RSRC1: variants seen among roughly 807,000 people sequenced by gnomAD.
The protein encoded by RSRC1 is arginine and serine rich coiled-coil 1.
Under a neutral mutation model 49.1 loss-of-function variants are expected in RSRC1, and 39 were observed. The ratio of observed to expected loss-of-function variants is 0.79; its 90% CI spans 0.61 to 1.04. The LOEUF is 1.04. RSRC1 is among the 50% of genes least tolerant of loss of function. The probability of loss-of-function intolerance (pLI) is 0.00; values close to 1 mark genes in which losing one functional copy is unlikely to be tolerated. For missense variants in RSRC1, 388 were observed against 402.4 expected (o/e 0.96, Z 0.31); for synonymous variants, 143 against 130.8 (o/e 1.09, Z -0.63).
chr3:158,355,571 A>T (rs1332090541), intron 6 of RSRC1, among the ~76,000 whole-genome samples: 1 of 151,914 alleles, frequency 6.6e-6, no homozygotes, highest in Non-Finnish European at 1.5e-5. Flanking sequence ...CAAGTGCTGT[A>T]TGTTTTATTT....
intron 7 of RSRC1, among the ~76,000 whole-genome samples, chr3:158,498,543 C>T (rs1026237004): frequency 6.6e-6 from 1 of 151,870 alleles, no homozygotes; most frequent in African/African-American, 2.4e-5. Context: ...TCTGACTGTT[C>T]CTTTTGCCAT....
At chr3:158,445,958 C>T (rs1296753975) in intron 6 of RSRC1, among the ~76,000 whole-genome samples, 1 of 151,840 alleles carries the variant, frequency 6.6e-6, no homozygotes, top group African/African-American at 2.4e-5. Context: ...AAATCTTGAC[C>T]ATATTCAGCC....
intron 4 of RSRC1, among the ~76,000 whole-genome samples, chr3:158,211,132 G>A (rs1273627915): frequency 3.9e-5 from 6 of 151,912 alleles, no homozygotes; most frequent in Non-Finnish European, 7.4e-5. Flanking sequence ...TGGACCCTTT[G>A]CAAGAGGTAT....
intron 4 of RSRC1, among the ~76,000 whole-genome samples, chr3:158,209,208 G>C (rs1215855012): frequency 6.6e-6 from 1 of 152,152 alleles, no homozygotes; most frequent in Admixed American, 6.6e-5. Context: ...AGTGTTGGGA[G>C]GTGGGACCTT....
rs1712225047 is a variant in RSRC1 at position 158,529,139 on chromosome 3, T to C, written c.653-7953T>C. Among the ~76,000 whole-genome samples, 3 of 150,710 alleles carry C rather than the reference T, an allele frequency of 2.0e-5. No homozygotes were observed. In the Admixed American group the frequency reaches 2.0e-4, roughly 10 times the overall value. On this transcript the variant is annotated intron_variant, in intron 7 of 9. Coordinates refer to ENST00000611884, the MANE Select transcript of RSRC1 (RefSeq NM_001271838.2). ...ATTCTGAAAATGCACATCTGTAATC[T>C]AGTTCAAGATAATGCCAGAAGAGTA...
chr3:158,323,814 T>G (rs2108173592), intron 5 of RSRC1, among the ~76,000 whole-genome samples: 1 of 152,344 alleles, frequency 6.6e-6, no homozygotes, highest in East Asian at 1.9e-4. Flanking sequence ...TATAGTTGTT[T>G]TTTATAGAGA....
chr3:158,361,551 C>G (rs996809133), intron 6 of RSRC1, among the ~76,000 whole-genome samples: 1 of 152,190 alleles, frequency 6.6e-6, no homozygotes, highest in Admixed American at 6.5e-5. Context: ...TGTGGACAGC[C>G]CATTGCTGCC....
At chr3:158,247,737 A>G (rs1489453751) in intron 4 of RSRC1, among the ~76,000 whole-genome samples, 1 of 152,074 alleles carries the variant, frequency 6.6e-6, no homozygotes, top group African/African-American at 2.4e-5. Context: ...AAGGCTGCAA[A>G]AAACAAAGAT....
chr3:158,195,253 G>A (rs995222686), intron 3 of RSRC1, among the ~76,000 whole-genome samples: 27 of 152,048 alleles, frequency 1.8e-4, no homozygotes, highest in Non-Finnish European at 7.4e-5. Context: ...GGCCAGTGAT[G>A]ATGAGCATTT....
At chr3:158,204,278 A>G (rs1022458199) in intron 4 of RSRC1, among the ~76,000 whole-genome samples, 1 of 152,176 alleles carries the variant, frequency 6.6e-6, no homozygotes, top group Admixed American at 6.5e-5. Flanking sequence ...GATGTTATAT[A>G]AATCTGCCTA....
chr3:158,126,871 G>GT (rs1022932042), intron 3 of RSRC1, among the ~76,000 whole-genome samples: 1 of 150,282 alleles, frequency 6.7e-6, no homozygotes, highest in Non-Finnish European at 1.5e-5. Flanking sequence ...GATTGACAGG[G>GT]TTTTTTTTGT....
At chr3:158,529,491 C>G (rs1712253155) in intron 7 of RSRC1, among the ~76,000 whole-genome samples, 2 of 151,816 alleles carry the variant, frequency 1.3e-5, no homozygotes, top group Non-Finnish European at 2.9e-5. Context: ...AGTTTCTCAT[C>G]TTTACAATGA....
chr3:158,298,024 A>G lies in RSRC1; in HGVS notation c.495-15A>G. 3 of 1,586,158 alleles carry G rather than the reference A, an allele frequency of 1.9e-6. No homozygotes were observed. Among genetic ancestry groups the G allele is most frequent in the Non-Finnish European group, 8.7e-7 (1 of 1,155,840 alleles). ...GATTTAGCAACTATTTAGAACTTTTACTCTTCTATTTTAGGGAATCTGGAA... is the reference window on the plus strand; with the variant it reads ...GATTTAGCAACTATTTAGAACTTTTGCTCTTCTATTTTAGGGAATCTGGAA... On this transcript the variant is annotated splice_polypyrimidine_tract_variant and intron_variant, in intron 4 of 9. Coordinates refer to ENST00000611884, the MANE Select transcript of RSRC1 (RefSeq NM_001271838.2).
chr3:158,154,376 A>G (rs1717734237), intron 3 of RSRC1, among the ~76,000 whole-genome samples: 1 of 152,078 alleles, frequency 6.6e-6, no homozygotes, highest in Non-Finnish European at 1.5e-5. Flanking sequence ...TAAGACAACA[A>G]TAAAGTTTGC....
intron 5 of RSRC1, among the ~76,000 whole-genome samples, chr3:158,347,316 T>C (rs1448363649): frequency 6.6e-6 from 1 of 152,156 alleles, no homozygotes; most frequent in African/African-American, 2.4e-5. Flanking sequence ...TTTCGGTTGA[T>C]TGAATGTAGT....
intron 6 of RSRC1, among the ~76,000 whole-genome samples, chr3:158,379,192 C>G (rs921119226): frequency 1.1e-5 from 1 of 93,898 alleles, no homozygotes; most frequent in Non-Finnish European, 2.1e-5. Context: ...AGAAATACCA[C>G]TTTTTTTTTT....
intron 7 of RSRC1, among the ~76,000 whole-genome samples, chr3:158,511,199 G>A (rs964635982): frequency 8.6e-5 from 13 of 151,864 alleles, no homozygotes; most frequent in Non-Finnish European, 1.9e-4. Context: ...CTGGTGCACT[G>A]CACCCACTAA....
chr3:158,543,016 A>T (rs1218085568), intron 8 of RSRC1, among the ~76,000 whole-genome samples: 1 of 152,158 alleles, frequency 6.6e-6, no homozygotes, highest in Non-Finnish European at 1.5e-5. Flanking sequence ...AAATGTGCTT[A>T]TCATAAGAAA....
chr3:158,424,342 G>C (rs1735274730), intron 6 of RSRC1, among the ~76,000 whole-genome samples: 1 of 151,854 alleles, frequency 6.6e-6, no homozygotes, highest in Non-Finnish European at 1.5e-5. Flanking sequence ...ATAAACATGT[G>C]GTTTTTGTCT....
Sources: allele counts gnomAD v4.1 joint callset (sites outside exome capture counted in the v4.1 genomes callset), GRCh38; gene constraint gnomAD v4.1.1; transcripts MANE v1.5; gene names NCBI Gene and HGNC (gene_info 2026-07-23, HGNC 2026-07-21).